Variants in PCMTD1 observed in about 807,000 individuals in gnomAD.
PCMTD1 encodes the protein protein-L-isoaspartate (D-aspartate) O-methyltransferase domain containing 1.
A neutral mutation model predicts 37.6 loss-of-function variants in PCMTD1; 12 were observed. The observed-to-expected ratio is 0.32, with a 90% CI of 0.20 to 0.52. The LOEUF (loss-of-function observed/expected upper bound fraction) is 0.52, where lower values mean the gene tolerates loss of function less well. Ranked by LOEUF, PCMTD1 falls within the 20% of genes least tolerant of loss-of-function variation. The probability of loss-of-function intolerance (pLI) is 0.97; values close to 1 mark genes in which losing one functional copy is unlikely to be tolerated. For synonymous variants in PCMTD1, 117 were observed against 135.8 expected (o/e 0.86, Z 0.96); for missense variants, 235 against 421.3 (o/e 0.56, Z 3.87).
chr8:51,877,828 T>C (rs910858184), intron 1 of PCMTD1, among the ~76,000 whole-genome samples: 5 of 152,228 alleles, frequency 3.3e-5, no homozygotes, highest in Non-Finnish European at 4.4e-5. Flanking sequence ...ATAAATGGCA[T>C]TGTATCATTA....
chr8:51,845,573 T>C (rs2038205598), intron 3 of PCMTD1, 88 bp downstream of exon 3: 1 of 882,162 alleles, frequency 1.1e-6, no homozygotes, highest in Non-Finnish European at 1.8e-6. Context: ...ATTGAGCCAG[T>C]CAGGATCAAT....
At chr8:51,873,126 T>A (rs1216271823) in intron 1 of PCMTD1, among the ~76,000 whole-genome samples, 3 of 152,186 alleles carry the variant, frequency 2.0e-5, no homozygotes, top group Non-Finnish European at 4.4e-5. Context: ...TAAAGTATTA[T>A]CCATAAGTTT....
At chr8:51,899,161 A>C (rs985108607), upstream of PCMTD1, 11 of 1,331,318 alleles carry the variant, frequency 8.3e-6, no homozygotes, top group Non-Finnish European at 9.6e-6. Flanking sequence ...CGCCAAAGTC[A>C]ACAAGGCCGG....
intron 5 of PCMTD1, among the ~76,000 whole-genome samples, chr8:51,826,314 A>C (rs1334075026): frequency 6.6e-6 from 1 of 152,172 alleles, no homozygotes; most frequent in Non-Finnish European, 1.5e-5. Context: ...GAGTTGAACA[A>C]TGAGAACACA....
chr8:51,831,312 G>T, intron 5 of PCMTD1, 132 bp downstream of exon 5: 11 of 829,728 alleles, frequency 1.3e-5, no homozygotes, highest in African/African-American at 1.9e-5. Flanking sequence ...AAAAAAAAAA[G>T]TTGAATAAAT....
At chr8:51,852,742 C>T (rs566288000) in intron 2 of PCMTD1, among the ~76,000 whole-genome samples, 3 of 152,208 alleles carry the variant, frequency 2.0e-5, no homozygotes, top group African/African-American at 7.2e-5. Flanking sequence ...TTACCTACTC[C>T]AGAAAATAAA....
intron 1 of PCMTD1, among the ~76,000 whole-genome samples, chr8:51,887,868 A>G (rs1032150900): frequency 7.9e-5 from 12 of 151,728 alleles, no homozygotes; most frequent in African/African-American, 2.9e-4. Flanking sequence ...CAGCCTCTCA[A>G]GTAGCTGGGA....
At chr8:51,869,225 A>G (rs1464578044) in intron 1 of PCMTD1, among the ~76,000 whole-genome samples, 4 of 152,202 alleles carry the variant, frequency 2.6e-5, no homozygotes, top group Admixed American at 2.6e-4. Flanking sequence ...TTATGAAAGT[A>G]AAATAAACAC....
At chr8:51,877,510 C>A (rs2038730028) in intron 1 of PCMTD1, among the ~76,000 whole-genome samples, 1 of 152,182 alleles carries the variant, frequency 6.6e-6, no homozygotes, top group African/African-American at 2.4e-5. Context: ...ACATAAAGTA[C>A]ATTAATTTTT....
chr8:51,875,964 G>C (rs1359627755), intron 1 of PCMTD1, among the ~76,000 whole-genome samples: 1 of 151,032 alleles, frequency 6.6e-6, no homozygotes, highest in South Asian at 2.1e-4. Context: ...GTGTGTGTCT[G>C]TGTGTGTGTG....
intron 1 of PCMTD1, among the ~76,000 whole-genome samples, chr8:51,885,265 CG>C (rs1287476661): frequency 2.0e-5 from 3 of 152,052 alleles, no homozygotes; most frequent in Non-Finnish European, 2.9e-5. Context: ...TATTGGGGGG[CG>C]GGGAGGATAT....
At chr8:51,896,728 T>A (rs1394004944) in intron 1 of PCMTD1, among the ~76,000 whole-genome samples, 1 of 152,208 alleles carries the variant, frequency 6.6e-6, no homozygotes, top group Non-Finnish European at 1.5e-5. Context: ...TTTAAATGCA[T>A]GTGATTACAT....
At chr8:51,826,371 T>TG (rs139604668) in intron 5 of PCMTD1, among the ~76,000 whole-genome samples, 5,248 of 152,050 alleles carry the variant, frequency 0.035, 324 homozygotes, top group East Asian at 0.29. Flanking sequence ...TGTCAAGGGA[T>TG]GGGGGGCTAG....
In PCMTD1 at chr8:51,831,519, T is replaced by A; in HGVS notation, c.631A>T (p.Ile211Phe). ...AGTGGAGCAAATGAAACAGCAAGGATATTTTTACTTTCCCAAGTGTTCTGT... is the reference window on the plus strand; with the variant it reads ...AGTGGAGCAAATGAAACAGCAAGGAAATTTTTACTTTCCCAAGTGTTCTGT... ...TGQNTWESKN[I>F]LAVSFAPLVQ... Residue 211 changes from isoleucine (I) to phenylalanine (F), a missense_variant, in exon 5 of 6, where the codon ATC becomes TTC. Coordinates refer to ENST00000522514, the MANE Select transcript of PCMTD1 (RefSeq NM_052937.4). 1 of 1,613,764 alleles carries A rather than the reference T, an allele frequency of 6.2e-7. No homozygotes were observed. The highest frequency in any genetic ancestry group is 8.5e-7 in the Non-Finnish European group (1 of 1,179,816).
In PCMTD1 at chr8:51,819,541, C is replaced by T. The variant is rs2037813815; in HGVS notation, c.*810G>A. Reference sequence around the variant, plus strand: ...TTTTTAAAAAACCAAATACTTTATACAGTGAACTACAGAAAAAACAATTCT... The same window carrying T: ...TTTTTAAAAAACCAAATACTTTATATAGTGAACTACAGAAAAAACAATTCT... On this transcript the variant is annotated 3_prime_UTR_variant, in exon 6 of 6. Transcript: ENST00000522514. The T allele has an allele frequency of 1.3e-5, 2 of 152,528 alleles. No individual in the cohort carries two copies. The highest frequency in any genetic ancestry group is 1.3e-4 in the Admixed American group (2 of 15,272). The allele number at this position is 152,528 out of a possible 1,614,324, so 9.4% of individuals were successfully genotyped here.
intron 5 of PCMTD1, chr8:51,827,104 C>A: frequency 2.0e-6 from 2 of 1,003,138 alleles, no homozygotes; most frequent in Non-Finnish European, 2.4e-6. Flanking sequence ...CTTACTTCTA[C>A]ACACCCACAA....
At chr8:51,850,107 G>C in intron 2 of PCMTD1, 1 of 702,222 alleles carries the variant, frequency 1.4e-6, no homozygotes, top group South Asian at 1.5e-5. Context: ...GAGAAAGATA[G>C]TAGATTAAAG....
intron 3 of PCMTD1, among the ~76,000 whole-genome samples, chr8:51,839,155 AC>A (rs1371770269): frequency 2.6e-5 from 4 of 152,180 alleles, no homozygotes; most frequent in Admixed American, 6.6e-5. Context: ...CTCCTAAATT[AC>A]ACTACCAAAA....
chr8:51,871,889 T>A (rs2038644650), intron 1 of PCMTD1, among the ~76,000 whole-genome samples: 1 of 152,198 alleles, frequency 6.6e-6, no homozygotes, highest in South Asian at 2.1e-4. Flanking sequence ...TACATATAAT[T>A]TTTTAAAAAG....
Sources: gnomAD v4.1 joint callset for allele counts (sites outside exome capture counted in the v4.1 genomes callset) on GRCh38, gnomAD v4.1.1 for gene constraint, MANE v1.5 for transcripts, NCBI Gene and HGNC (gene_info 2026-07-23, HGNC 2026-07-21) for gene names.